The following MARCHF6 variants were observed in gnomAD, a reference collection of about 807,000 sequenced individuals.
The protein encoded by MARCHF6 is membrane associated ring-CH-type finger 6.
Under a neutral mutation model 133.7 loss-of-function variants are expected in MARCHF6, and 31 were observed. The observed-to-expected ratio is 0.23, with a 90% CI of 0.17 to 0.31. The LOEUF (loss-of-function observed/expected upper bound fraction) is 0.31. Ranked by LOEUF, MARCHF6 falls within the 10% of genes least tolerant of loss-of-function variation. MARCHF6 has a pLI of 1.00. For missense variants in MARCHF6, 723 were observed against 1,121.6 expected (o/e 0.64, Z 5.08); for synonymous variants, 395 against 402.5 (o/e 0.98, Z 0.22).
intron 4 of MARCHF6, among the ~76,000 whole-genome samples, chr5:10,385,486 T>C (rs1482127898): frequency 6.6e-6 from 1 of 152,154 alleles, no homozygotes; most frequent in Non-Finnish European, 1.5e-5. Flanking sequence ...ACATCTGTAA[T>C]CATAAGGGTT....
intron 1 of MARCHF6, among the ~76,000 whole-genome samples, chr5:10,362,579 TTAA>T (rs1229774171): frequency 6.6e-6 from 1 of 152,232 alleles, no homozygotes; most frequent in African/African-American, 2.4e-5. Flanking sequence ...TCAATATATG[TTAA>T]TAAAAATAAC....
At chr5:10,368,123 A>G (rs62364283) in intron 1 of MARCHF6, among the ~76,000 whole-genome samples, 1 of 152,178 alleles carries the variant, frequency 6.6e-6, no homozygotes, top group Non-Finnish European at 1.5e-5. Flanking sequence ...CTCTTTTTGT[A>G]GCCTTGGCCT....
chr5:10,355,472 T>C (rs913931088), intron 1 of MARCHF6, among the ~76,000 whole-genome samples: 1 of 152,244 alleles, frequency 6.6e-6, no homozygotes, highest in Non-Finnish European at 1.5e-5. Context: ...CAGTAATCTG[T>C]GGTAATTCAG....
intron 1 of MARCHF6, among the ~76,000 whole-genome samples, chr5:10,360,510 G>C (rs905777393): frequency 6.6e-6 from 1 of 152,288 alleles, no homozygotes; most frequent in East Asian, 1.9e-4. Flanking sequence ...GTATATGGAA[G>C]GATGTGCATA....
At chr5:10,355,795 G>T (rs1315774725) in intron 1 of MARCHF6, among the ~76,000 whole-genome samples, 1 of 152,142 alleles carries the variant, frequency 6.6e-6, no homozygotes, top group East Asian at 1.9e-4. Context: ...GTAGTAAATG[G>T]CAGAGGCAAG....
intron 1 of MARCHF6, among the ~76,000 whole-genome samples, chr5:10,367,853 A>T (rs1736228706): frequency 6.6e-6 from 1 of 152,216 alleles, no homozygotes; most frequent in South Asian, 2.1e-4. Flanking sequence ...GACATTAGGT[A>T]TTCAAATACA....
intron 15 of MARCHF6, among the ~76,000 whole-genome samples, chr5:10,404,505 C>T (rs1254319785): frequency 2.0e-5 from 3 of 152,184 alleles, no homozygotes; most frequent in African/African-American, 7.2e-5. Flanking sequence ...GTGCCGGACA[C>T]TATACTGCAT....
At chr5:10,402,182 C>A in intron 12 of MARCHF6, 43 bp downstream of exon 12, 1 of 1,286,362 alleles carries the variant, frequency 7.8e-7, no homozygotes, top group South Asian at 1.2e-5. Context: ...TAATATTATT[C>A]ATACCAAAGA....
At chr5:10,368,853 G>A (rs937926000) in intron 1 of MARCHF6, among the ~76,000 whole-genome samples, 3 of 152,092 alleles carry the variant, frequency 2.0e-5, no homozygotes, top group Admixed American at 6.5e-5. Flanking sequence ...GATTACAGGC[G>A]TGAGCCACCG....
intron 1 of MARCHF6, among the ~76,000 whole-genome samples, chr5:10,355,352 G>A (rs1050262072): frequency 2.6e-5 from 4 of 152,176 alleles, no homozygotes; most frequent in African/African-American, 9.7e-5. Flanking sequence ...AGGTTTTAAT[G>A]AGTAAATCTA....
intron 1 of MARCHF6, among the ~76,000 whole-genome samples, chr5:10,361,216 A>G (rs1735801909): frequency 6.6e-6 from 1 of 152,366 alleles, no homozygotes; most frequent in South Asian, 2.1e-4. Flanking sequence ...AAGGAGGAGG[A>G]GTTAAAAATG....
intron 1 of MARCHF6, among the ~76,000 whole-genome samples, chr5:10,360,141 T>C (rs1239454462): frequency 3.7e-5 from 4 of 108,670 alleles, no homozygotes; most frequent in Admixed American, 1.9e-4. Context: ...TGTATGTGTG[T>C]GTGTTTTTTT....
intron 22 of MARCHF6, 38 bp from the exon 23 acceptor site, chr5:10,423,697 A>C: frequency 1.4e-6 from 2 of 1,421,104 alleles, no homozygotes; most frequent in Non-Finnish European, 2.0e-6. Flanking sequence ...ATTGTTAAAA[A>C]ACAACAGAAA....
chr5:10,365,396 G>A (rs1304806787), intron 1 of MARCHF6, among the ~76,000 whole-genome samples: 1 of 151,868 alleles, frequency 6.6e-6, no homozygotes, highest in Non-Finnish European at 1.5e-5. Context: ...CGCCTCCCGG[G>A]TTCAAGCGAT....
chr5:10,372,607 C>T (rs1331918168), intron 1 of MARCHF6, among the ~76,000 whole-genome samples: 1 of 152,124 alleles, frequency 6.6e-6, no homozygotes, highest in Non-Finnish European at 1.5e-5. Context: ...GATTAATGCA[C>T]TTGTTCTTCC....
intron 1 of MARCHF6, among the ~76,000 whole-genome samples, chr5:10,371,753 T>C (rs1004204429): frequency 5.9e-5 from 9 of 152,356 alleles, no homozygotes; most frequent in Middle Eastern, 3.4e-3. Flanking sequence ...AATGTTGTGC[T>C]TTTTTATACT....
chr5:10,359,394 C>G, intron 1 of MARCHF6, among the ~76,000 whole-genome samples: 1 of 151,830 alleles, frequency 6.6e-6, no homozygotes, highest in East Asian at 1.9e-4. Flanking sequence ...TTTTCTCTAG[C>G]TTTATTGTAA....
chr5:10,381,694 A>T (rs1296305359), intron 3 of MARCHF6, 106 bp from the exon 4 acceptor site: 1 of 844,962 alleles, frequency 1.2e-6, no homozygotes, highest in Non-Finnish European at 1.8e-6. Flanking sequence ...AAAAAAATTA[A>T]GCACAAGGCA....
chr5:10,423,672 C>T (rs1008196362), intron 22 of MARCHF6, 63 bp from the exon 23 acceptor site: 1 of 1,051,810 alleles, frequency 9.5e-7, no homozygotes, highest in Non-Finnish European at 1.4e-6. Context: ...ATTATACAGC[C>T]TCTCTGCTGT....
Sources: allele counts gnomAD v4.1 joint callset (sites outside exome capture counted in the v4.1 genomes callset), GRCh38; gene constraint gnomAD v4.1.1; transcripts MANE v1.5; gene names NCBI Gene and HGNC (gene_info 2026-07-23, HGNC 2026-07-21).